The following ARL15 variants were observed in gnomAD, a reference collection of about 807,000 sequenced individuals.
ARL15 encodes the protein ARF like GTPase 15, also known as ADP-ribosylation factor-like protein 15.
ARL15 carries 19 observed loss-of-function variants against 25.2 expected under a neutral mutation model. The ratio of observed to expected loss-of-function variants is 0.75; its 90% CI spans 0.53 to 1.10. ARL15 has a LOEUF of 1.10. Ranked by LOEUF, ARL15 falls within the 50% of genes least tolerant of loss-of-function variation. The pLI is 0.00. For synonymous variants in ARL15, 94 were observed against 86.8 expected, an observed-to-expected ratio of 1.08 and a Z score of -0.46; for missense variants, 220 against 246.0, an observed-to-expected ratio of 0.89 and a Z score of 0.71.
intron 4 of ARL15, among the ~76,000 whole-genome samples, chr5:53,894,638 T>A (rs1009817726): frequency 6.6e-6 from 1 of 152,190 alleles, no homozygotes; most frequent in Non-Finnish European, 1.5e-5. Flanking sequence ...ATGAAAGACA[T>A]CCAGTATTCC....
chr5:54,272,857 C>T (rs1757825447), intron 1 of ARL15, among the ~76,000 whole-genome samples: 1 of 152,154 alleles, frequency 6.6e-6, no homozygotes, highest in Admixed American at 6.5e-5. Context: ...GCAATTATAG[C>T]CACTATTCCA....
intron 4 of ARL15, among the ~76,000 whole-genome samples, chr5:53,942,562 A>G (rs921745071): frequency 6.6e-6 from 1 of 152,296 alleles, no homozygotes; most frequent in African/African-American, 2.4e-5. Context: ...CCCGGCCAAC[A>G]TGGTGAAACC....
At chr5:54,276,724 C>T (rs2112658449) in intron 1 of ARL15, among the ~76,000 whole-genome samples, 1 of 152,240 alleles carries the variant, frequency 6.6e-6, no homozygotes, top group Non-Finnish European at 1.5e-5. Context: ...TTCATGTAGG[C>T]CCAACTTCAT....
At chr5:54,162,853 C>T (rs1165052756) in intron 2 of ARL15, among the ~76,000 whole-genome samples, 3 of 152,158 alleles carry the variant, frequency 2.0e-5, no homozygotes, top group Non-Finnish European at 4.4e-5. Context: ...TCAGCAAGTA[C>T]GTTTTTATTT....
At chr5:54,288,827 C>G (rs996725636) in intron 1 of ARL15, among the ~76,000 whole-genome samples, 2 of 152,098 alleles carry the variant, frequency 1.3e-5, no homozygotes, top group African/African-American at 4.8e-5. Flanking sequence ...AATACAAGTA[C>G]CTACAATAAG....
At chr5:53,899,611 C>T (rs745595405) in intron 4 of ARL15, among the ~76,000 whole-genome samples, 1 of 151,732 alleles carries the variant, frequency 6.6e-6, no homozygotes, top group Non-Finnish European at 1.5e-5. Context: ...TTGGATCTCA[C>T]CCCCATATAT....
At chr5:53,891,440 G>C (rs1744704829) in intron 4 of ARL15, among the ~76,000 whole-genome samples, 1 of 152,190 alleles carries the variant, frequency 6.6e-6, no homozygotes, top group Admixed American at 6.5e-5. Context: ...TACTGAGTTA[G>C]ATGCCATGGG....
intron 4 of ARL15, among the ~76,000 whole-genome samples, chr5:53,945,034 C>T (rs1200247135): frequency 1.3e-5 from 2 of 152,186 alleles, no homozygotes; most frequent in Non-Finnish European, 2.9e-5. Flanking sequence ...AGGGAGGCTG[C>T]ATTCTTGTAG....
rs542100854 is a variant in ARL15, at chr5:54,127,397, A to G, written c.254-13987T>C. On this transcript the variant is annotated intron_variant, in intron 3 of 4. Transcript: ENST00000504924. ...TAACAGACAAACAGAGAGCCAAATC[A>G]TCAGTGAACTCCCATTCACAATTGC... Among the ~76,000 whole-genome samples the G allele has an allele frequency of 3.0e-3, 460 of 152,308 alleles. 3 individuals are homozygous for G. The highest frequency in any genetic ancestry group is 0.011 in the African/African-American group (443 of 41,560).
intron 1 of ARL15, among the ~76,000 whole-genome samples, chr5:54,307,447 A>T (rs1758784024): frequency 6.6e-6 from 1 of 152,206 alleles, no homozygotes. Flanking sequence ...CAGGTGATAC[A>T]TCTAATTGAT....
chr5:54,204,230 A>T (rs1193714771), intron 1 of ARL15, among the ~76,000 whole-genome samples: 1 of 152,192 alleles, frequency 6.6e-6, no homozygotes, highest in Non-Finnish European at 1.5e-5. Context: ...GGGTGAAGAC[A>T]AGACTGAACT....
chr5:54,121,837 T>C (rs1183662008), intron 3 of ARL15, among the ~76,000 whole-genome samples: 2 of 152,200 alleles, frequency 1.3e-5, no homozygotes, highest in African/African-American at 4.8e-5. Flanking sequence ...TAATACTTAA[T>C]TACCTCATAG....
chr5:53,996,052 A>C (rs970856376), intron 4 of ARL15, among the ~76,000 whole-genome samples: 1 of 152,162 alleles, frequency 6.6e-6, no homozygotes, highest in African/African-American at 2.4e-5. Context: ...GGGTTCATAC[A>C]TTATCAATAA....
chr5:53,948,891 C>T (rs571859371), intron 4 of ARL15, among the ~76,000 whole-genome samples: 1 of 152,102 alleles, frequency 6.6e-6, no homozygotes, highest in Non-Finnish European at 1.5e-5. Flanking sequence ...TGTACATAGC[C>T]CGGAGCTGAA....
intron 1 of ARL15, among the ~76,000 whole-genome samples, chr5:54,281,193 G>A (rs1758055837): frequency 6.6e-6 from 1 of 152,156 alleles, no homozygotes; most frequent in Admixed American, 6.5e-5. Context: ...AAGCTGGAGT[G>A]CAGTGGTACG....
chr5:53,989,629 A>G (rs1748418162), intron 4 of ARL15, among the ~76,000 whole-genome samples: 1 of 151,762 alleles, frequency 6.6e-6, no homozygotes, highest in African/African-American at 2.4e-5. Flanking sequence ...TTGTTTGTAA[A>G]GCTCAATGCT....
At chr5:54,023,835 C>T (rs1749692896) in intron 4 of ARL15, among the ~76,000 whole-genome samples, 1 of 152,248 alleles carries the variant, frequency 6.6e-6, no homozygotes, top group South Asian at 2.1e-4. Context: ...AGACTGAAGT[C>T]TGTCAACACA....
At chr5:53,947,242 G>A (rs958124820) in intron 4 of ARL15, among the ~76,000 whole-genome samples, 10 of 150,532 alleles carry the variant, frequency 6.6e-5, no homozygotes, top group African/African-American at 2.4e-4. Context: ...GAGAGAAGGA[G>A]AATTAAAGGC....
intron 4 of ARL15, among the ~76,000 whole-genome samples, chr5:53,994,061 C>A (rs1447288376): frequency 1.3e-5 from 2 of 152,142 alleles, no homozygotes; most frequent in African/African-American, 2.4e-5. Context: ...CTGGAATAAC[C>A]ACGTTGATAA....
Sources: gnomAD v4.1 joint callset for allele counts (sites outside exome capture counted in the v4.1 genomes callset) on GRCh38, gnomAD v4.1.1 for gene constraint, MANE v1.5 for transcripts, NCBI Gene and HGNC (gene_info 2026-07-23, HGNC 2026-07-21) for gene names.